FAM133B: variants seen among roughly 807,000 people sequenced by gnomAD.
FAM133B encodes the protein protein FAM133B.
Under a neutral mutation model 46.4 loss-of-function variants are expected in FAM133B, and 25 were observed. The observed-to-expected ratio is 0.54, with a 90% CI of 0.39 to 0.75. The LOEUF (loss-of-function observed/expected upper bound fraction) is 0.75. FAM133B is among the 30% of genes least tolerant of loss of function. The pLI is 0.00. For synonymous variants in FAM133B, 75 were observed against 86.0 expected (o/e 0.87, Z 0.71); for missense variants, 205 against 277.6 (o/e 0.74, Z 1.86).
chr7:92,571,761 G>C (rs1349550238), intron 8 of FAM133B, among the ~76,000 whole-genome samples: 1 of 152,038 alleles, frequency 6.6e-6, no homozygotes, highest in African/African-American at 2.4e-5. Context: ...GTCTATTCCT[G>C]TACTAGTACT....
At chr7:92,584,703 G>A (rs370958471) in intron 1 of FAM133B, among the ~76,000 whole-genome samples, 45 of 152,288 alleles carry the variant, frequency 3.0e-4, no homozygotes, top group African/African-American at 1.0e-3. Context: ...CTTTTGCTAA[G>A]CATTTCGATT....
At chr7:92,567,770 A>T (rs868333583) in intron 9 of FAM133B, among the ~76,000 whole-genome samples, 5 of 147,288 alleles carry the variant, frequency 3.4e-5, no homozygotes, top group Non-Finnish European at 4.5e-5. Context: ...AGAAACTAAA[A>T]TTTTTTTTTT....
intron 1 of FAM133B, among the ~76,000 whole-genome samples, chr7:92,587,675 A>G (rs532460025): frequency 1.3e-5 from 2 of 152,316 alleles, no homozygotes; most frequent in South Asian, 2.1e-4. Context: ...TTGAAGCTGC[A>G]GTGAGCCATG....
intron 1 of FAM133B, among the ~76,000 whole-genome samples, chr7:92,582,397 T>A (rs1180289051): frequency 6.6e-6 from 1 of 152,210 alleles, no homozygotes; most frequent in Non-Finnish European, 1.5e-5. Context: ...TTCAACTACA[T>A]CTTGTCTCCC....
chr7:92,589,026 C>T (rs1408998078), intron 1 of FAM133B, among the ~76,000 whole-genome samples: 1 of 152,230 alleles, frequency 6.6e-6, no homozygotes, highest in Non-Finnish European at 1.5e-5. Flanking sequence ...GAACTGGCTA[C>T]TACAGATGGC....
At chr7:92,576,406 C>T (rs1002370305) in intron 7 of FAM133B, among the ~76,000 whole-genome samples, 1 of 149,164 alleles carries the variant, frequency 6.7e-6, no homozygotes, top group African/African-American at 2.6e-5. Context: ...CCAACATTTA[C>T]TGAGTACTTT....
intron 2 of FAM133B, among the ~76,000 whole-genome samples, chr7:92,580,663 A>G (rs1233912415): frequency 6.6e-6 from 1 of 152,154 alleles, no homozygotes; most frequent in Non-Finnish European, 1.5e-5. Context: ...AATAAATCTT[A>G]CCATGAGTAC....
intron 10 of FAM133B, among the ~76,000 whole-genome samples, chr7:92,564,573 C>T (rs1436832454): frequency 6.6e-6 from 1 of 152,196 alleles, no homozygotes; most frequent in Admixed American, 6.5e-5. Context: ...AGGCTTGGAG[C>T]ACATAAAATG....
At chr7:92,580,622 T>C (rs1472125145) in intron 2 of FAM133B, among the ~76,000 whole-genome samples, 1 of 152,234 alleles carries the variant, frequency 6.6e-6, no homozygotes, top group Non-Finnish European at 1.5e-5. Context: ...CCTTTTCCTT[T>C]TGCTGATTGT....
Position 92,589,988 on chromosome 7 carries a change from G to T in FAM133B, c.24+280C>A, listed in dbSNP as rs941859153. 5.6e-6 allele frequency: 3 copies of T among 532,454 alleles called. No homozygotes were observed. The African/African-American group carries it at 5.9e-5, about 11-fold the overall frequency. 33.0% of individuals were successfully genotyped at this position (532,454 alleles called of 1,614,324 possible). A position where few individuals can be genotyped will look rare whatever the true frequency, so the allele number is the denominator to read the frequency against. On this transcript the variant is annotated intron_variant, in intron 1 of 10. Coordinates refer to ENST00000445716, the MANE Select transcript of FAM133B (RefSeq NM_152789.4). ...CTCGCGGTTCTAAGTGGGCACTGGGGGCCCGCGTACAGCAGGCAAGAGTGC... is the reference window on the plus strand; with the variant it reads ...CTCGCGGTTCTAAGTGGGCACTGGGTGCCCGCGTACAGCAGGCAAGAGTGC...
chr7:92,574,012 A>G (rs1396305938), intron 8 of FAM133B, among the ~76,000 whole-genome samples: 3 of 152,100 alleles, frequency 2.0e-5, no homozygotes, highest in Admixed American at 6.5e-5. Flanking sequence ...TTAGTTTTTA[A>G]AATTAATTAA....
rs373929710 is a variant in FAM133B at position 92,590,209 on chromosome 7, C to A, written c.24+59G>T. 1.1e-5 allele frequency: 17 copies of A among 1,613,050 alleles called. No homozygotes were observed. The African/African-American group carries it at 1.5e-4, about 14-fold the overall frequency. ...GGCCCGGCCGGGAACAGCGAGGGTT[C>A]TCGCTGTCCTGCCGCCGGGCCCTGC... On this transcript the variant is annotated intron_variant, in intron 1 of 10. Coordinates refer to ENST00000445716, the MANE Select transcript of FAM133B (RefSeq NM_152789.4).
chr7:92,579,087 C>T (rs1289732625), intron 3 of FAM133B: 4 of 448,522 alleles, frequency 8.9e-6, no homozygotes, highest in Non-Finnish European at 4.0e-6. Flanking sequence ...AACAATAACA[C>T]TTCTAAAATA....
At chr7:92,573,656 CAT>C (rs986461981) in intron 8 of FAM133B, among the ~76,000 whole-genome samples, 4 of 151,650 alleles carry the variant, frequency 2.6e-5, no homozygotes, top group African/African-American at 9.7e-5. Context: ...TAATTTCACA[CAT>C]ACTTTTTTTT....
At chr7:92,587,806 C>T (rs923373722) in intron 1 of FAM133B, among the ~76,000 whole-genome samples, 1 of 152,142 alleles carries the variant, frequency 6.6e-6, no homozygotes, top group Non-Finnish European at 1.5e-5. Flanking sequence ...CTAATGTAAA[C>T]TACTGACTGG....
chr7:92,578,985 C>T (rs1794784599), intron 3 of FAM133B, among the ~76,000 whole-genome samples: 1 of 152,106 alleles, frequency 6.6e-6, no homozygotes, highest in South Asian at 2.1e-4. Flanking sequence ...ACTTGGAATC[C>T]AAGTTATCTA....
intron 10 of FAM133B, among the ~76,000 whole-genome samples, chr7:92,564,254 A>T (rs1002273717): frequency 5.3e-5 from 8 of 152,130 alleles, no homozygotes; most frequent in African/African-American, 1.9e-4. Context: ...CTTTCTTGTA[A>T]ATCAGATTTC....
chr7:92,589,685 G>A (rs190229947), intron 1 of FAM133B, among the ~76,000 whole-genome samples: 25 of 152,300 alleles, frequency 1.6e-4, no homozygotes, highest in African/African-American at 5.8e-4. Flanking sequence ...CAGTGTCTAT[G>A]GGGGCCAGGT....
intron 1 of FAM133B, among the ~76,000 whole-genome samples, chr7:92,583,950 T>G (rs1406509563): frequency 3.5e-5 from 5 of 142,950 alleles, no homozygotes; most frequent in African/African-American, 1.3e-4. Flanking sequence ...CTCAGGAGGC[T>G]GAGGCAGGAA....
Sources: allele counts gnomAD v4.1 joint callset (sites outside exome capture counted in the v4.1 genomes callset), GRCh38; gene constraint gnomAD v4.1.1; transcripts MANE v1.5; gene names NCBI Gene and HGNC (gene_info 2026-07-23, HGNC 2026-07-21).